Variants in CTNNA2 observed in about 807,000 individuals in gnomAD.
The protein encoded by CTNNA2 is catenin alpha 2.
Under a neutral mutation model 101.0 loss-of-function variants are expected in CTNNA2, and 42 were observed. That is an observed-to-expected ratio of 0.42 (90% CI 0.32 to 0.54). CTNNA2 has a LOEUF of 0.54. CTNNA2 is among the 20% of genes least tolerant of loss of function. The pLI, the probability that CTNNA2 is intolerant of heterozygous loss-of-function variation, is 0.14. For synonymous variants in CTNNA2, 450 were observed against 456.4 expected (o/e 0.99, Z 0.18); for missense variants, 871 against 1,223.1 (o/e 0.71, Z 4.29).
At chr2:79,295,205 G>A (rs887130015) in intron 2 of CTNNA2, among the ~76,000 whole-genome samples, 2 of 152,014 alleles carry the variant, frequency 1.3e-5, no homozygotes, top group Admixed American at 6.6e-5. Flanking sequence ...CTCACATTTT[G>A]TCCTCTTTCC....
chr2:80,474,148 A>G (rs1291930623), intron 9 of CTNNA2, among the ~76,000 whole-genome samples: 5 of 152,224 alleles, frequency 3.3e-5, no homozygotes, highest in South Asian at 4.1e-4. Context: ...TTAAAAATCT[A>G]TGTTTTAACA....
chr2:80,555,632 T>C, intron 11 of CTNNA2, 61 bp from the exon 12 acceptor site: 1 of 1,009,620 alleles, frequency 9.9e-7, no homozygotes, highest in Non-Finnish European at 1.4e-6. Flanking sequence ...TGAATCAATT[T>C]TAATTGGTTA....
At chr2:79,621,953 G>A (rs1679024332) in intron 1 of CTNNA2, among the ~76,000 whole-genome samples, 1 of 152,102 alleles carries the variant, frequency 6.6e-6, no homozygotes, top group African/African-American at 2.4e-5. Context: ...AAACTGTCCA[G>A]GTCATCAAAA....
intron 7 of CTNNA2, among the ~76,000 whole-genome samples, chr2:80,057,363 A>G (rs1026828153): frequency 1.3e-5 from 2 of 152,140 alleles, no homozygotes; most frequent in African/African-American, 4.8e-5. Flanking sequence ...TCCGGAACTA[A>G]CCTTCTGAAA....
At chr2:80,166,154 G>A (rs1369968048) in intron 7 of CTNNA2, among the ~76,000 whole-genome samples, 1 of 152,134 alleles carries the variant, frequency 6.6e-6, no homozygotes, top group East Asian at 1.9e-4. Context: ...TGAGTGGTAG[G>A]AGTGAGAGGA....
intron 2 of CTNNA2, among the ~76,000 whole-genome samples, chr2:79,258,139 C>T (rs1674872861): frequency 6.6e-6 from 1 of 152,138 alleles, no homozygotes; most frequent in Non-Finnish European, 1.5e-5. Flanking sequence ...TCCTGAGCTA[C>T]TGGGGTTAAG....
intron 1 of CTNNA2, among the ~76,000 whole-genome samples, chr2:79,605,155 A>G (rs937088903): frequency 1.3e-5 from 2 of 152,232 alleles, no homozygotes; most frequent in Non-Finnish European, 2.9e-5. Context: ...CATAGAAGAA[A>G]TTTAAAAGAC....
Position 79,561,174 on chromosome 2 carries a change from T to C in CTNNA2, c.-6+47967T>C, listed in dbSNP as rs1674755241. ...GACATGTTATGTAAACTGAATTATA[T>C]AATATATGACCTTTGTGCCTGGCTT... On this transcript the variant is annotated intron_variant, in intron 1 of 18. Coordinates refer to ENST00000402739, the MANE Select transcript of CTNNA2 (RefSeq NM_001282597.3). Among the ~76,000 whole-genome samples the C allele has an allele frequency of 2.0e-5, 3 of 152,102 alleles. No individual in the cohort carries two copies. The South Asian group carries it at 6.2e-4, about 32-fold the overall frequency.
intron 9 of CTNNA2, among the ~76,000 whole-genome samples, chr2:80,501,491 TGAACTGGGGTTA>T (rs1455727085): frequency 6.6e-6 from 1 of 152,148 alleles, no homozygotes; most frequent in East Asian, 1.9e-4. Context: ...ATAAACAATA[TGAACTGGGGTTA>T]GAAACTCCTT....
intron 7 of CTNNA2, among the ~76,000 whole-genome samples, chr2:80,102,416 G>T (rs538127265): frequency 6.6e-6 from 1 of 152,254 alleles, no homozygotes; most frequent in South Asian, 2.1e-4. Context: ...ACAGGTCCCT[G>T]GTGCTTCCCT....
At chr2:79,417,754 G>T (rs1483972097) in intron 4 of CTNNA2, among the ~76,000 whole-genome samples, 2 of 151,984 alleles carry the variant, frequency 1.3e-5, no homozygotes, top group Non-Finnish European at 2.9e-5. Context: ...AAGAATAAAG[G>T]TGCCTTGCGG....
At chr2:79,698,424 G>C (rs1684783147) in intron 2 of CTNNA2, among the ~76,000 whole-genome samples, 1 of 151,948 alleles carries the variant, frequency 6.6e-6, no homozygotes, top group South Asian at 2.1e-4. Flanking sequence ...GTGACCACTT[G>C]AATTTTGTGT....
In CTNNA2 at chr2:80,330,947, C is replaced by G. The variant is rs556533351; in HGVS notation, c.1057-62264C>G. 2.0e-5 allele frequency among the ~76,000 whole-genome samples: 3 copies of G among 151,602 alleles called. No homozygotes were observed. In the South Asian group the frequency reaches 6.3e-4, roughly 32 times the overall value. On this transcript the variant is annotated intron_variant, in intron 7 of 18. Transcript: ENST00000402739. ...TCAGATTTGCCACAAGGTACTTCATCAAAAATTCTATTTTGGTTCCAAAAG... is the reference window on the plus strand; with the variant it reads ...TCAGATTTGCCACAAGGTACTTCATGAAAAATTCTATTTTGGTTCCAAAAG...
chr2:79,502,374 TTCTTGGCATAAAA>T (rs1368235811), intron 4 of CTNNA2, among the ~76,000 whole-genome samples: 1 of 152,218 alleles, frequency 6.6e-6, no homozygotes, highest in East Asian at 1.9e-4. Flanking sequence ...AATGTACAAC[TTCTTGGCATAAAA>T]GTGAAGAAAA....
At chr2:80,518,548 T>C (rs1474750404) in intron 9 of CTNNA2, among the ~76,000 whole-genome samples, 1 of 152,204 alleles carries the variant, frequency 6.6e-6, no homozygotes, top group African/African-American at 2.4e-5. Flanking sequence ...TTTGGTTGGC[T>C]CTGCTTCCTG....
At chr2:79,780,073 A>C (rs910965438) in intron 3 of CTNNA2, among the ~76,000 whole-genome samples, 2 of 152,202 alleles carry the variant, frequency 1.3e-5, no homozygotes, top group Non-Finnish European at 2.9e-5. Context: ...TAACCCAGAC[A>C]GTCCTTTCTA....
intron 15 of CTNNA2, among the ~76,000 whole-genome samples, chr2:80,594,490 C>T (rs1177303243): frequency 6.6e-6 from 1 of 151,922 alleles, no homozygotes; most frequent in African/African-American, 2.4e-5. Flanking sequence ...TGTTCTTTGA[C>T]ACACACAAGT....
chr2:80,272,553 C>G (rs1186665001), intron 7 of CTNNA2, among the ~76,000 whole-genome samples: 1 of 152,140 alleles, frequency 6.6e-6, no homozygotes. Context: ...AAGAGGGAAA[C>G]AGGGAAAACT....
At chr2:80,207,959 A>T (rs982390978) in intron 7 of CTNNA2, among the ~76,000 whole-genome samples, 1 of 152,222 alleles carries the variant, frequency 6.6e-6, no homozygotes, top group Non-Finnish European at 1.5e-5. Flanking sequence ...GGAAAAAAGA[A>T]ATTGTCAGCA....
Sources: allele counts gnomAD v4.1 joint callset (sites outside exome capture counted in the v4.1 genomes callset), GRCh38; gene constraint gnomAD v4.1.1; transcripts MANE v1.5; gene names NCBI Gene and HGNC (gene_info 2026-07-23, HGNC 2026-07-21).